The following VRTN variants were observed in gnomAD, a reference collection of about 807,000 sequenced individuals.
The protein encoded by VRTN is vertnin.
A neutral mutation model predicts 18.2 loss-of-function variants in VRTN; 5 were observed. The observed-to-expected ratio is 0.27, with a 90% CI of 0.14 to 0.58. VRTN has a LOEUF of 0.58. Ranked by LOEUF, VRTN falls within the 20% of genes least tolerant of loss-of-function variation. VRTN has a pLI of 0.91. For synonymous variants in VRTN, 381 were observed against 393.7 expected (o/e 0.97, Z 0.38); for missense variants, 741 against 939.4 (o/e 0.79, Z 2.76).
In VRTN at chr14:74,358,105, G is replaced by T. The variant is rs373225215; in HGVS notation, c.1322G>T (p.Arg441Leu). The T allele has an allele frequency of 6.2e-7, 1 of 1,614,044 alleles. No homozygotes were observed. Among genetic ancestry groups the T allele is most frequent in the African/African-American group, 1.3e-5 (1 of 74,940 alleles). Residue 441 changes from arginine to leucine, a missense_variant, in exon 2 of 2, where the codon CGA (arginine) becomes CTA (leucine). By Grantham distance (102) the Arg-to-Leu change is moderately radical. Around this residue, in one of 3 missense-constraint regions of VRTN, gnomAD observed 494 missense variants for 546.5 expected, o/e 0.90. Transcript: ENST00000256362. The surrounding 1 kb of genome is among the most constrained non-coding windows in gnomAD (Gnocchi z 5.4). ...CGGTCCACTTATTATAATTGGCGGC[G>T]AAAGGCCCTCCGGAGGAACCCCAGC... ...ISRSTYYNWR[R>L]KALRRNPSFK... is the part of the protein sequence containing the mutation.
intron 1 of VRTN, among the ~76,000 whole-genome samples, chr14:74,318,270 AT>A (rs78501021): frequency 2.6e-3 from 348 of 134,080 alleles, no homozygotes; most frequent in Middle Eastern, 3.9e-3. Context: ...CGCCTGGCTA[AT>A]TTTTTTTTTT....
At chr14:74,317,202 T>C (rs182185611) in intron 1 of VRTN, among the ~76,000 whole-genome samples, 20 of 152,246 alleles carry the variant, frequency 1.3e-4, no homozygotes, top group Admixed American at 1.1e-3. Flanking sequence ...GGAAATCAGA[T>C]AGGAAGCTAT....
intron 1 of VRTN, among the ~76,000 whole-genome samples, chr14:74,324,964 A>G (rs751243363): frequency 6.6e-6 from 1 of 152,116 alleles, no homozygotes; most frequent in Non-Finnish European, 1.5e-5. Flanking sequence ...ATCAGATTTT[A>G]GAGTTTCCCC....
At chr14:74,325,145 G>A (rs557538240) in intron 1 of VRTN, among the ~76,000 whole-genome samples, 1 of 152,188 alleles carries the variant, frequency 6.6e-6, no homozygotes, top group South Asian at 2.1e-4. Flanking sequence ...TAAAGTCCTG[G>A]GGAGTGCACT....
intron 2 of VRTN, among the ~76,000 whole-genome samples, chr14:74,341,031 C>T (rs1341781167): frequency 3.3e-5 from 5 of 152,166 alleles, no homozygotes; most frequent in Non-Finnish European, 7.3e-5. Flanking sequence ...TGTGAGCCAC[C>T]GTGCCCAGCT....
intron 1 of VRTN, among the ~76,000 whole-genome samples, chr14:74,335,141 T>G (rs1485272858): frequency 6.6e-6 from 1 of 151,636 alleles, no homozygotes; most frequent in Non-Finnish European, 1.5e-5. Context: ...ATTAGCCAGG[T>G]GTGGTGGTGC....
At chr14:74,320,563 CTTTTTTTTTTTTTTTTTTTTTTTTTT>C (rs35884901) in intron 1 of VRTN, among the ~76,000 whole-genome samples, 4 of 44,982 alleles carry the variant, frequency 8.9e-5, no homozygotes, top group South Asian at 9.5e-4. Flanking sequence ...CGCCCGGCCT[CTTTTTTTTTTTTTTTTTTTTTTTTTT>C]TTTTTTTTTT....
At chr14:74,327,180 C>T (rs74060545) in intron 1 of VRTN, among the ~76,000 whole-genome samples, 3 of 152,236 alleles carry the variant, frequency 2.0e-5, no homozygotes, top group East Asian at 1.9e-4. Flanking sequence ...GTAGGTGCGT[C>T]GCATCTGTTT....
chr14:74,330,842 C>T (rs558210179), intron 1 of VRTN, among the ~76,000 whole-genome samples: 17 of 152,132 alleles, frequency 1.1e-4, no homozygotes, highest in African/African-American at 3.9e-4. Flanking sequence ...AAAGAGCCCA[C>T]GTTGTTGCCT....
chr14:74,344,244 T>TCCAAAAAAAAAAAAAAAAAAA (rs760737512), upstream of VRTN, among the ~76,000 whole-genome samples: 4 of 2,476 alleles, frequency 1.6e-3, no homozygotes, highest in African/African-American at 3.8e-3. Flanking sequence ...CTCTGCTTTC[T>TCCAAAAAAAAAAAAAAAAAAA]ACAAAAAAAA....
intron 1 of VRTN, among the ~76,000 whole-genome samples, chr14:74,334,875 A>G (rs75896367): frequency 6.6e-6 from 1 of 152,150 alleles, no homozygotes; most frequent in African/African-American, 2.4e-5. Context: ...TTCTGGCAGT[A>G]GATAAGAGTA....
At chr14:74,351,957 C>A (rs957090703) in intron 1 of VRTN, among the ~76,000 whole-genome samples, 1 of 152,020 alleles carries the variant, frequency 6.6e-6, no homozygotes, top group African/African-American at 2.4e-5. Flanking sequence ...GATTCTCCTG[C>A]CTCAGCCTCC....
At chr14:74,340,040 A>G (rs2140205948) in intron 2 of VRTN, among the ~76,000 whole-genome samples, 1 of 151,500 alleles carries the variant, frequency 6.6e-6, no homozygotes, top group Middle Eastern at 3.4e-3. Flanking sequence ...GGTTCAAGCA[A>G]TTCTCCTTCC....
upstream of VRTN, among the ~76,000 whole-genome samples, chr14:74,345,872 C>T (rs184156909): frequency 1.8e-4 from 26 of 144,310 alleles, no homozygotes; most frequent in Admixed American, 1.6e-3. Context: ...TGAGGTGAGC[C>T]GAGATTGTGC....
chr14:74,344,138 G>T (rs1362007874), upstream of VRTN, among the ~76,000 whole-genome samples: 6 of 149,376 alleles, frequency 4.0e-5, no homozygotes, highest in Admixed American at 1.4e-4. Context: ...GCTGGGCATG[G>T]TAGCTAATGC....
intron 1 of VRTN, among the ~76,000 whole-genome samples, chr14:74,307,137 C>CTTTTTTT (rs56345315): frequency 1.0e-3 from 89 of 87,718 alleles, no homozygotes; most frequent in Non-Finnish European, 1.2e-3. Context: ...TGTTGTGGCC[C>CTTTTTTT]TTTTTTTTTT....
chr14:74,325,287 T>C (rs2085481177), intron 1 of VRTN, among the ~76,000 whole-genome samples: 1 of 151,830 alleles, frequency 6.6e-6, no homozygotes, highest in Non-Finnish European at 1.5e-5. Flanking sequence ...GAATATGGTA[T>C]ATAGAAGGAA....
chr14:74,320,343 C>T (rs900972007), intron 1 of VRTN, among the ~76,000 whole-genome samples: 3 of 144,556 alleles, frequency 2.1e-5, no homozygotes, highest in Admixed American at 1.4e-4. Context: ...TCACTACAAC[C>T]TCTGCCTCCC....
At chr14:74,322,587 A>ACCC (rs2085463227) in intron 1 of VRTN, among the ~76,000 whole-genome samples, 1 of 152,176 alleles carries the variant, frequency 6.6e-6, no homozygotes, top group East Asian at 1.9e-4. Context: ...TGAAATTTGC[A>ACCC]ACTGACTGCT....
Sources: gnomAD v4.1 joint callset for allele counts (sites outside exome capture counted in the v4.1 genomes callset) on GRCh38, gnomAD v4.1.1 for gene constraint, gnomAD v4.1.1 regional missense constraint, Gnocchi (gnomAD v3.1) non-coding constraint, MANE v1.5 for transcripts, NCBI Gene and HGNC (gene_info 2026-07-23, HGNC 2026-07-21) for gene names.